Variants in HECW1 observed in about 807,000 individuals in gnomAD.
HECW1 encodes the protein E3 ubiquitin-protein ligase HECW1.
In HECW1, 61 loss-of-function variants were observed where a neutral mutation model predicts 182.3. That is an observed-to-expected ratio of 0.33 (90% CI 0.27 to 0.41). The LOEUF is 0.41. Among genes scored for constraint, HECW1 ranks in the 10% least tolerant of loss-of-function variants. The pLI, the probability that HECW1 is intolerant of heterozygous loss-of-function variation, is 1.00. For synonymous variants in HECW1, 859 were observed against 832.6 expected (o/e 1.03, Z -0.55); for missense variants, 1,739 against 2,108.9 (o/e 0.82, Z 3.44).
intron 5 of HECW1, among the ~76,000 whole-genome samples, chr7:43,340,699 C>T (rs1323275771): frequency 6.6e-6 from 1 of 151,594 alleles, no homozygotes; most frequent in Non-Finnish European, 1.5e-5. Flanking sequence ...GCTACAGTGT[C>T]GTCTGTTGGT....
At chr7:43,424,821 A>C (rs1276899975) in intron 8 of HECW1, among the ~76,000 whole-genome samples, 2 of 152,158 alleles carry the variant, frequency 1.3e-5, no homozygotes, top group Non-Finnish European at 2.9e-5. Flanking sequence ...ACCATGATTA[A>C]TTAGCTAATC....
At chr7:43,558,049 G>A (rs2082089543) in intron 29 of HECW1, among the ~76,000 whole-genome samples, 1 of 152,234 alleles carries the variant, frequency 6.6e-6, no homozygotes, top group Non-Finnish European at 1.5e-5. Context: ...GTCACAGCGT[G>A]TGGGGCAGTG....
At chr7:43,452,333 A>G (rs967085985) in intron 12 of HECW1, among the ~76,000 whole-genome samples, 1 of 152,248 alleles carries the variant, frequency 6.6e-6, no homozygotes, top group African/African-American at 2.4e-5. Context: ...GACTAGTTAT[A>G]CATGCAAATA....
At chr7:43,231,920 G>A (rs986184038) in intron 2 of HECW1, among the ~76,000 whole-genome samples, 3 of 151,604 alleles carry the variant, frequency 2.0e-5, no homozygotes, top group African/African-American at 7.3e-5. Flanking sequence ...TACTTGGGAG[G>A]CTAAGGCAGG....
rs573768748 is a variant in HECW1 at position 43,239,050 on chromosome 7, C to A, written c.-31-4825C>A. The A allele has an allele frequency of 2.0e-5, 3 of 152,180 alleles. No individual in the cohort carries two copies. In the South Asian group the frequency reaches 6.2e-4, roughly 32 times the overall value. 9.4% of individuals were successfully genotyped at this position (152,180 alleles called of 1,614,324 possible). Reference sequence around the variant, plus strand: ...TGGGACAAAACAAAATCAGTCAGACCCCAACTCATGCTGATGGAATCAAGG... The same window carrying A: ...TGGGACAAAACAAAATCAGTCAGACACCAACTCATGCTGATGGAATCAAGG... On this transcript the variant is annotated intron_variant, in intron 2 of 29. Coordinates refer to ENST00000395891, the MANE Select transcript of HECW1 (RefSeq NM_015052.5).
At chr7:43,134,255 G>A (rs892829718) in intron 2 of HECW1, among the ~76,000 whole-genome samples, 4 of 151,672 alleles carry the variant, frequency 2.6e-5, no homozygotes, top group South Asian at 4.2e-4. Context: ...GTAGCCGGGC[G>A]TGGTGGTGCA....
intron 3 of HECW1, among the ~76,000 whole-genome samples, chr7:43,291,946 A>C (rs562180891): frequency 6.6e-6 from 1 of 152,298 alleles, no homozygotes; most frequent in South Asian, 2.1e-4. Flanking sequence ...CACTTTAAAC[A>C]AAGGTAAGGC....
At chr7:43,548,911 T>A (rs1408622746) in intron 26 of HECW1, among the ~76,000 whole-genome samples, 1 of 152,136 alleles carries the variant, frequency 6.6e-6, no homozygotes. Context: ...ACCACTGCAC[T>A]CCAGCCTGGG....
intron 5 of HECW1, among the ~76,000 whole-genome samples, chr7:43,330,463 GATA>G (rs2152790051): frequency 6.6e-6 from 1 of 152,356 alleles, no homozygotes; most frequent in African/African-American, 2.4e-5. Context: ...AACTTTGAGA[GATA>G]ATAAGAGGGT....
rs1303274874 is a variant in HECW1 at position 43,374,799 on chromosome 7, A to AAAAAAAAAAAAAAAAAC, written c.555+13820_555+13821insAAAAAAAAAAAAAAACA. 4.4e-4 allele frequency among the ~76,000 whole-genome samples: 24 copies of AAAAAAAAAAAAAAAAAC among 54,064 alleles called. 1 individual carries two copies. The highest frequency in any genetic ancestry group is 5.4e-4 in the Admixed American group (3 of 5,586). 35.5% of individuals were successfully genotyped at this position (54,064 alleles called of 152,430 possible). ...AAAAAAAAAAAAAAAAAAAAAAAAAAATAGAGAAATATAATAACCAGTGAA... is the reference window on the plus strand; with the variant it reads ...AAAAAAAAAAAAAAAAAAAAAAAAAAAAAAAAAAAAAAAAAACATAGAGAAATATAATAACCAGTGAA... On this transcript the variant is annotated intron_variant, in intron 6 of 29. Coordinates refer to ENST00000395891, the MANE Select transcript of HECW1 (RefSeq NM_015052.5).
intron 24 of HECW1, among the ~76,000 whole-genome samples, chr7:43,510,464 C>T (rs534649307): frequency 2.0e-5 from 3 of 152,268 alleles, no homozygotes; most frequent in African/African-American, 7.2e-5. Flanking sequence ...ATAAATTAAG[C>T]ACATAGTATG....
Position 43,552,240 on chromosome 7 carries a change from G to T in HECW1, c.4414G>T (p.Val1472Leu), listed in dbSNP as rs367572727. 22 of 1,613,406 alleles carry T rather than the reference G, an allele frequency of 1.4e-5. No homozygotes were observed. Among genetic ancestry groups the T allele is most frequent in the East Asian group, 6.7e-5 (3 of 44,888 alleles). ...ATTTCAGGTTGTAGACTCGAGGCTG[G>T]TGTCCGTGTTTGATGCCAGGGAGCT... ...GFYEVVDSRL[V>L]SVFDARELEL... The change falls in exon 28 of 30, where the codon GTG becomes TTG. Residue 1472 changes from valine to leucine, a missense_variant. Around this residue, in one of 5 missense-constraint regions of HECW1, gnomAD observed 420 missense variants for 595.7 expected, o/e 0.71. Transcript: ENST00000395891.
intron 3 of HECW1, among the ~76,000 whole-genome samples, chr7:43,268,349 G>A (rs967148067): frequency 6.6e-5 from 10 of 152,210 alleles, no homozygotes; most frequent in Admixed American, 5.2e-4. Context: ...TTAGAGATAG[G>A]CCACCAAGAT....
chr7:43,531,847 C>T (rs74377098), intron 24 of HECW1, among the ~76,000 whole-genome samples: 1,713 of 152,276 alleles, frequency 0.011, 19 homozygotes, highest in African/African-American at 0.039. Context: ...TCCAGATCCC[C>T]GAATGCTGCA....
intron 24 of HECW1, among the ~76,000 whole-genome samples, chr7:43,526,200 T>C (rs1053563893): frequency 4.6e-5 from 7 of 152,248 alleles, no homozygotes; most frequent in Non-Finnish European, 7.3e-5. Context: ...TTGTGTGGCA[T>C]GGCAACTTGA....
intron 3 of HECW1, among the ~76,000 whole-genome samples, chr7:43,269,349 G>T (rs1000007825): frequency 6.6e-6 from 1 of 152,194 alleles, no homozygotes; most frequent in East Asian, 1.9e-4. Context: ...GTTTGAAGTT[G>T]CCCCCGATCC....
chr7:43,124,568 G>A (rs2152609488), intron 2 of HECW1, among the ~76,000 whole-genome samples: 1 of 152,292 alleles, frequency 6.6e-6, no homozygotes, highest in Admixed American at 6.5e-5. Context: ...CCTGAAAGAG[G>A]AACCTGTCTC....
At chr7:43,158,288 T>A (rs1390561063) in intron 2 of HECW1, among the ~76,000 whole-genome samples, 1 of 152,196 alleles carries the variant, frequency 6.6e-6, no homozygotes, top group African/African-American at 2.4e-5. Flanking sequence ...AACACACCAG[T>A]TTTCCAATTT....
At chr7:43,507,399 T>G in intron 22 of HECW1, 142 bp downstream of exon 22, 1 of 754,866 alleles carries the variant, frequency 1.3e-6, no homozygotes, top group Non-Finnish European at 2.0e-6. Flanking sequence ...AAGAAGGAAG[T>G]TGGGAAGCTG....
Sources: allele counts gnomAD v4.1 joint callset (sites outside exome capture counted in the v4.1 genomes callset), GRCh38; gene constraint gnomAD v4.1.1; regional missense constraint gnomAD v4.1.1; transcripts MANE v1.5; gene names NCBI Gene and HGNC (gene_info 2026-07-23, HGNC 2026-07-21).